SVIL: variants seen among roughly 807,000 people sequenced by gnomAD.
SVIL encodes archvillin.
SVIL carries 101 observed loss-of-function variants against 240.4 expected under a neutral mutation model. The observed-to-expected ratio is 0.42, with a 90% CI of 0.36 to 0.50. SVIL has a LOEUF of 0.50. SVIL is among the 20% of genes least tolerant of loss of function. The pLI is 0.01. For missense variants in SVIL, 2,512 were observed against 2,818.7 expected (o/e 0.89, Z 2.46); for synonymous variants, 999 against 1,100.0 (o/e 0.91, Z 1.82).
chr10:29,703,335 A>T (rs1201178746), intron 1 of SVIL, among the ~76,000 whole-genome samples: 2 of 152,102 alleles, frequency 1.3e-5, no homozygotes, highest in Admixed American at 1.3e-4. Context: ...CCCCTTCCCC[A>T]GACCAGCCCC....
chr10:29,508,476 A>G (rs16930338), intron 17 of SVIL: 19,872 of 1,137,818 alleles, frequency 0.017, 1,211 homozygotes, highest in African/African-American at 0.15. Flanking sequence ...CAAGTATTTC[A>G]TGCCTGGGTT....
intron 2 of SVIL, among the ~76,000 whole-genome samples, chr10:29,682,749 G>T (rs554949232): frequency 2.4e-4 from 36 of 152,290 alleles, no homozygotes; most frequent in Admixed American, 2.0e-3. Context: ...GTGTATGTTA[G>T]CTACAGGAAT....
intron 2 of SVIL, among the ~76,000 whole-genome samples, chr10:29,565,267 T>A (rs149540987): frequency 0.026 from 3,982 of 152,310 alleles, 60 homozygotes; most frequent in Middle Eastern, 0.041. Flanking sequence ...AGTTAAATAC[T>A]CCGCTGAATT....
intron 6 of SVIL, among the ~76,000 whole-genome samples, chr10:29,541,342 G>C (rs776478044): frequency 6.6e-6 from 1 of 152,158 alleles, no homozygotes; most frequent in Non-Finnish European, 1.5e-5. Context: ...AGGCACAAGG[G>C]ATGATGGAAA....
chr10:29,466,145 A>T (rs1013865345), intron 33 of SVIL, among the ~76,000 whole-genome samples: 19 of 152,104 alleles, frequency 1.2e-4, no homozygotes, highest in Admixed American at 4.6e-4. Context: ...ATGGCTAAAA[A>T]ATATATATAG....
chr10:29,720,177 C>T (rs1963889075), intron 1 of SVIL, among the ~76,000 whole-genome samples: 1 of 152,068 alleles, frequency 6.6e-6, no homozygotes, highest in Non-Finnish European at 1.5e-5. Context: ...GCACTCTGCC[C>T]TGGATGACAC....
chr10:29,690,588 C>T (rs1564766030), intron 1 of SVIL, among the ~76,000 whole-genome samples: 1 of 151,774 alleles, frequency 6.6e-6, no homozygotes, highest in Non-Finnish European at 1.5e-5. Flanking sequence ...ACCTGTCTGT[C>T]ATAAAAAATA....
chr10:29,468,635 T>C (rs1945205319), intron 32 of SVIL, among the ~76,000 whole-genome samples: 1 of 147,688 alleles, frequency 6.8e-6, no homozygotes, highest in Non-Finnish European at 1.5e-5. Flanking sequence ...TATATATATA[T>C]ACATATATAT....
At chr10:29,590,123 GCCACTGCTCT>G (rs1564677751) in intron 1 of SVIL, among the ~76,000 whole-genome samples, 2 of 129,518 alleles carry the variant, frequency 1.5e-5, no homozygotes, top group Non-Finnish European at 3.1e-5. Flanking sequence ...CCAAGATTGC[GCCACTGCTCT>G]CCAGCCTTGG....
intron 1 of SVIL, among the ~76,000 whole-genome samples, chr10:29,581,222 T>A (rs552729696): frequency 3.5e-4 from 53 of 152,344 alleles, no homozygotes; most frequent in Middle Eastern, 6.8e-3. Context: ...TTTCTTTATG[T>A]GTGCAGATCC....
rs1589431413 is a variant in SVIL at position 29,634,827 on chromosome 10, G to T, written c.-608C>A. On this transcript the variant is annotated 5_prime_UTR_variant, in exon 1 of 38. Coordinates refer to ENST00000355867, the MANE Select transcript of SVIL (RefSeq NM_021738.3). ...AAGAACGCCAAAATATTAATAAAAA[G>T]AGTCTTCTTTTTGAAGTTTTTCGTC... The T allele has an allele frequency of 6.6e-6, 1 of 152,218 alleles. No individual in the cohort carries two copies. Among genetic ancestry groups the T allele is most frequent in the South Asian group, 2.1e-4 (1 of 4,818 alleles). 9.4% of individuals were successfully genotyped at this position (152,218 alleles called of 1,614,324 possible).
chr10:29,459,059 C>T (rs1943914329), intron 36 of SVIL, among the ~76,000 whole-genome samples: 2 of 150,690 alleles, frequency 1.3e-5, no homozygotes, highest in South Asian at 4.2e-4. Context: ...AACTTCTGGC[C>T]TCAAGCGATC....
At chr10:29,577,480 A>C in intron 1 of SVIL, among the ~76,000 whole-genome samples, 1 of 152,226 alleles carries the variant, frequency 6.6e-6, no homozygotes, top group East Asian at 1.9e-4. Flanking sequence ...AATGGTCTCC[A>C]GCTCCATCCA....
In SVIL at chr10:29,484,947, C is replaced by T. The variant is rs745592421; in HGVS notation, c.4780-116G>A. 3.2e-5 allele frequency: 36 copies of T among 1,122,794 alleles called. No individual in the cohort carries two copies. Among genetic ancestry groups the T allele is most frequent in the African/African-American group, 4.8e-5 (3 of 62,836 alleles). The allele number at this position is 1,122,794 out of a possible 1,614,324, so 69.6% of individuals were successfully genotyped here. ...AAACGGAGGAAGACAGAAATCCTAA[C>T]GGGGCGACCAACACAGACACAAAAA... On this transcript the variant is annotated intron_variant, in intron 26 of 37. Transcript: ENST00000355867. The surrounding 1 kb of genome is among the most constrained non-coding windows in gnomAD (Gnocchi z 4.7).
intron 1 of SVIL, among the ~76,000 whole-genome samples, chr10:29,627,215 C>G (rs942253749): frequency 3.9e-5 from 4 of 103,770 alleles, no homozygotes; most frequent in Admixed American, 9.1e-5. Context: ...TTCCTGCTCT[C>G]CCACCTTGAA....
chr10:29,636,662 C>G (rs773699265), upstream of SVIL, among the ~76,000 whole-genome samples: 1 of 152,158 alleles, frequency 6.6e-6, no homozygotes. Flanking sequence ...TTAGAAGACT[C>G]ATCATACTCA....
intron 1 of SVIL, among the ~76,000 whole-genome samples, chr10:29,688,895 C>T (rs540698597): frequency 1.3e-5 from 2 of 152,198 alleles, no homozygotes; most frequent in Admixed American, 1.3e-4. Context: ...TATATGCAAA[C>T]ATTTATGAGA....
chr10:29,488,136 C>T (rs769757579), intron 23 of SVIL, among the ~76,000 whole-genome samples: 1 of 152,128 alleles, frequency 6.6e-6, no homozygotes, highest in Non-Finnish European at 1.5e-5. Flanking sequence ...TCATCTGCGT[C>T]GAACTTCCCT....
chr10:29,508,780 G>A (rs1949563671), intron 17 of SVIL, among the ~76,000 whole-genome samples: 1 of 152,220 alleles, frequency 6.6e-6, no homozygotes, highest in African/African-American at 2.4e-5. Flanking sequence ...AGCTGCAGAA[G>A]CACAGTGGGA....
Sources: gnomAD v4.1 joint callset for allele counts (sites outside exome capture counted in the v4.1 genomes callset) on GRCh38, gnomAD v4.1.1 for gene constraint, Gnocchi (gnomAD v3.1) non-coding constraint, MANE v1.5 for transcripts, NCBI Gene and HGNC (gene_info 2026-07-23, HGNC 2026-07-21) for gene names.